IPP: variants seen among roughly 807,000 people sequenced by gnomAD.
IPP encodes actin-binding protein IPP.
In IPP, 41 loss-of-function variants were observed where a neutral mutation model predicts 64.1. The ratio of observed to expected loss-of-function variants is 0.64; its 90% CI spans 0.50 to 0.83. IPP has a LOEUF of 0.83. Ranked by LOEUF, IPP falls within the 40% of genes least tolerant of loss-of-function variation. The pLI, the probability that IPP is intolerant of heterozygous loss-of-function variation, is 0.00. For missense variants in IPP, 649 were observed against 703.0 expected (o/e 0.92, Z 0.87); for synonymous variants, 214 against 235.2 (o/e 0.91, Z 0.83).
intron 3 of IPP, among the ~76,000 whole-genome samples, chr1:45,738,623 G>A (rs1646011309): frequency 6.6e-6 from 1 of 151,800 alleles, no homozygotes; most frequent in Admixed American, 6.6e-5. Context: ...GGTGGATCAC[G>A]AGGTCAGGAG....
chr1:45,728,353 T>G (rs928321738), intron 4 of IPP, among the ~76,000 whole-genome samples: 1 of 151,604 alleles, frequency 6.6e-6, no homozygotes, highest in African/African-American at 2.4e-5. Flanking sequence ...TTAATACATA[T>G]ATGTAATTAT....
At chr1:45,734,235 T>C (rs1330294171) in intron 3 of IPP, among the ~76,000 whole-genome samples, 2 of 152,150 alleles carry the variant, frequency 1.3e-5, no homozygotes, top group Non-Finnish European at 2.9e-5. Flanking sequence ...TTTGAAACTA[T>C]GATTCTTTTA....
intron 8 of IPP, among the ~76,000 whole-genome samples, chr1:45,711,519 C>T (rs1645590696): frequency 6.6e-6 from 1 of 152,028 alleles, no homozygotes; most frequent in Non-Finnish European, 1.5e-5. Flanking sequence ...TTTGGGAGGC[C>T]AAGGTGGGCA....
At chr1:45,739,338 A>T (rs1646028342) in intron 3 of IPP, among the ~76,000 whole-genome samples, 1 of 149,846 alleles carries the variant, frequency 6.7e-6, no homozygotes, top group Admixed American at 6.7e-5. Flanking sequence ...GACTCAGGTG[A>T]TCCTCCCACC....
At position 45,741,072 on chromosome 1, in the gene IPP, TG is replaced by T; in HGVS notation, c.552del (p.Ile186PhefsTer17). On this transcript the variant is annotated frameshift_variant, in exon 3 of 9. Coordinates refer to ENST00000396478, the MANE Select transcript of IPP (RefSeq NM_005897.3). LOFTEE classifies it high-confidence loss of function. ...EFLALTKDQL[I>X]KILRSEELSI... ...CTAAGCTCTTCACTTCGCAAAATTT[TG>T]ATCAGCTGATCTTTCGTAAGTGCCA... is the stretch of plus-strand genomic sequence containing the variant. 1 of 1,614,176 alleles carries T rather than the reference TG, an allele frequency of 6.2e-7. No individual in the cohort carries two copies. Among genetic ancestry groups the T allele is most frequent in the African/African-American group, 1.3e-5 (1 of 75,078 alleles).
intron 8 of IPP, among the ~76,000 whole-genome samples, chr1:45,700,410 C>T (rs984277320): frequency 2.6e-5 from 4 of 151,844 alleles, no homozygotes; most frequent in East Asian, 1.9e-4. Context: ...GCAACGATCT[C>T]GGCTCAGCGC....
chr1:45,749,343 C>G (rs1033551708), intron 1 of IPP, among the ~76,000 whole-genome samples: 2 of 152,138 alleles, frequency 1.3e-5, no homozygotes, highest in African/African-American at 4.8e-5. Flanking sequence ...GTGGAGTGAC[C>G]ATATTTCCAA....
At chr1:45,733,281 C>T (rs1487008433) in intron 3 of IPP, among the ~76,000 whole-genome samples, 2 of 151,194 alleles carry the variant, frequency 1.3e-5, no homozygotes, top group African/African-American at 2.4e-5. Context: ...AAAAATTAGC[C>T]GGGCATAGTG....
chr1:45,735,466 CTTTTTTTTTTT>C (rs756979985), intron 3 of IPP, among the ~76,000 whole-genome samples: 3 of 57,938 alleles, frequency 5.2e-5, no homozygotes, highest in African/African-American at 2.1e-4. Context: ...TTTAATTTTG[CTTTTTTTTTTT>C]TTTTTTTTTT....
intron 4 of IPP, among the ~76,000 whole-genome samples, chr1:45,728,422 G>A (rs1446131667): frequency 1.3e-5 from 2 of 151,850 alleles, no homozygotes; most frequent in Non-Finnish European, 1.5e-5. Context: ...ACAGTATTAT[G>A]TATACAGATC....
intron 2 of IPP, 59 bp downstream of exon 2, chr1:45,746,061 A>G (rs1378452317): frequency 7.3e-7 from 1 of 1,378,474 alleles, no homozygotes; most frequent in Non-Finnish European, 1.0e-6. Flanking sequence ...ATATTTCCAC[A>G]TTAGTGCATG....
chr1:45,700,190 C>T lies in IPP; in HGVS notation c.1531G>A (p.Glu511Lys), dbSNP rs946518805. 2 of 1,605,184 alleles carry T rather than the reference C, an allele frequency of 1.2e-6. No individual in the cohort carries two copies. Among genetic ancestry groups the T allele is most frequent in the Admixed American group, 1.7e-5 (1 of 58,574 alleles). ...HTVEKYSFEE[E>K]KWVEVASMKV... ...ATTGAGGCAACTTCAACCCACTTTTCCTGGTTAAGAGAGAAAAAAAAAATA... is the reference window on the plus strand; with the variant it reads ...ATTGAGGCAACTTCAACCCACTTTTTCTGGTTAAGAGAGAAAAAAAAAATA... The change falls in exon 9 of 9, where the codon GAA becomes AAA. Residue 511 changes from glutamate (E) to lysine (K), a missense_variant and splice_region_variant. Glu to Lys is a moderately conservative substitution (Grantham distance 56). Coordinates refer to ENST00000396478, the MANE Select transcript of IPP (RefSeq NM_005897.3).
chr1:45,698,707 AT>A (rs764830893), downstream of IPP: 62 of 865,706 alleles, frequency 7.2e-5, 1 homozygote, highest in Admixed American at 1.2e-4. Context: ...AAAAGGAAGA[AT>A]TTTTTTTTCT....
At chr1:45,707,461 A>G (rs1557738999) in intron 8 of IPP, among the ~76,000 whole-genome samples, 1 of 151,528 alleles carries the variant, frequency 6.6e-6, no homozygotes, top group Non-Finnish European at 1.5e-5. Flanking sequence ...TTTAAAACTA[A>G]TATTATTAAT....
At chr1:45,724,968 A>G (rs1200946813) in intron 5 of IPP, among the ~76,000 whole-genome samples, 2 of 128,268 alleles carry the variant, frequency 1.6e-5, no homozygotes, top group African/African-American at 6.0e-5. Context: ...CCTACTGGGA[A>G]GTGAGGAGCC....
At chr1:45,709,357 C>T (rs189792129) in intron 8 of IPP, among the ~76,000 whole-genome samples, 2 of 143,348 alleles carry the variant, frequency 1.4e-5, no homozygotes, top group African/African-American at 5.2e-5. Flanking sequence ...GGTGTGAACC[C>T]GGGAAGCAGA....
At chr1:45,738,355 G>A (rs996366198) in intron 3 of IPP, among the ~76,000 whole-genome samples, 3 of 151,106 alleles carry the variant, frequency 2.0e-5, no homozygotes, top group African/African-American at 7.3e-5. Context: ...TAATTTTGCT[G>A]TTTAAAATGG....
At chr1:45,716,810 A>C in intron 7 of IPP, 85 bp downstream of exon 7, 7 of 1,201,420 alleles carry the variant, frequency 5.8e-6, no homozygotes, top group Non-Finnish European at 1.2e-6. Context: ...CAGACTTAAA[A>C]TATACTTTTG....
intron 8 of IPP, among the ~76,000 whole-genome samples, chr1:45,703,095 C>T (rs137919836): frequency 1.3e-5 from 2 of 151,392 alleles, no homozygotes; most frequent in East Asian, 2.0e-4. Context: ...CTTTTTTGTT[C>T]GTTTGTTTTA....
Sources: allele counts gnomAD v4.1 joint callset (sites outside exome capture counted in the v4.1 genomes callset), GRCh38; gene constraint gnomAD v4.1.1; transcripts MANE v1.5; gene names NCBI Gene and HGNC (gene_info 2026-07-23, HGNC 2026-07-21).